Variants in ANKS1B observed in about 807,000 individuals in gnomAD.
The protein encoded by ANKS1B is ankyrin repeat and sterile alpha motif domain-containing protein 1B.
A neutral mutation model predicts 148.3 loss-of-function variants in ANKS1B; 36 were observed. The observed-to-expected ratio is 0.24, with a 90% CI of 0.19 to 0.32. The LOEUF (loss-of-function observed/expected upper bound fraction) is 0.32, where lower values mean the gene tolerates loss of function less well. Among genes scored for constraint, ANKS1B ranks in the 10% least tolerant of loss-of-function variants. The pLI is 1.00. For missense variants in ANKS1B, 1,157 were observed against 1,542.6 expected, an observed-to-expected ratio of 0.75 and a Z score of 4.19; for synonymous variants, 542 against 560.8, an observed-to-expected ratio of 0.97 and a Z score of 0.47.
intron 1 of ANKS1B, among the ~76,000 whole-genome samples, chr12:99,840,218 G>A (rs2085495796): frequency 6.6e-6 from 1 of 152,146 alleles, no homozygotes; most frequent in South Asian, 2.1e-4. Context: ...GGATAATAGG[G>A]CAACTTTGGA....
intron 24 of ANKS1B, among the ~76,000 whole-genome samples, chr12:98,776,015 G>A (rs1393125047): frequency 6.6e-6 from 1 of 152,238 alleles, no homozygotes; most frequent in Non-Finnish European, 1.5e-5. Context: ...ATAGCCTGCG[G>A]AGGCAGGTAT....
intron 15 of ANKS1B, among the ~76,000 whole-genome samples, chr12:99,097,938 A>C (rs2056743455): frequency 6.6e-6 from 1 of 152,212 alleles, no homozygotes; most frequent in African/African-American, 2.4e-5. Context: ...CATTTTCTTC[A>C]GATAAGTGTT....
chr12:98,795,503 C>T, intron 22 of ANKS1B: 1 of 370,824 alleles, frequency 2.7e-6, no homozygotes, highest in Non-Finnish European at 5.2e-6. Context: ...CCTGGTAGAA[C>T]AAACTTTATT....
At chr12:99,339,060 G>T (rs1352123712) in intron 12 of ANKS1B, among the ~76,000 whole-genome samples, 1 of 152,146 alleles carries the variant, frequency 6.6e-6, no homozygotes, top group Non-Finnish European at 1.5e-5. Context: ...TACACCCCAA[G>T]TCCAATGGCT....
At chr12:98,740,367 A>G (rs1020978470), downstream of ANKS1B, among the ~76,000 whole-genome samples, 1 of 152,158 alleles carries the variant, frequency 6.6e-6, no homozygotes, top group Non-Finnish European at 1.5e-5. Context: ...AGCACAGCCC[A>G]TGATGCTGCG....
At chr12:98,786,621 T>C (rs1464924629) in intron 22 of ANKS1B, among the ~76,000 whole-genome samples, 1 of 152,238 alleles carries the variant, frequency 6.6e-6, no homozygotes, top group Non-Finnish European at 1.5e-5. Flanking sequence ...AGTATGGAGA[T>C]ACCCTTTCCA....
At chr12:99,776,201 C>T (rs2063630803) in intron 6 of ANKS1B, among the ~76,000 whole-genome samples, 1 of 152,046 alleles carries the variant, frequency 6.6e-6, no homozygotes, top group Admixed American at 6.5e-5. Context: ...ATGTTCATTG[C>T]CATTATTCTT....
intron 9 of ANKS1B, among the ~76,000 whole-genome samples, chr12:99,611,612 G>A (rs2153345841): frequency 6.6e-6 from 1 of 152,200 alleles, no homozygotes; most frequent in South Asian, 2.1e-4. Flanking sequence ...CTGAGACTAG[G>A]TTTAAGACAT....
intron 17 of ANKS1B, among the ~76,000 whole-genome samples, chr12:99,005,228 C>T (rs2099935441): frequency 6.6e-6 from 1 of 152,208 alleles, no homozygotes; most frequent in Non-Finnish European, 1.5e-5. Context: ...CTGTGATGGG[C>T]TCCATTCCAC....
At chr12:99,120,642 G>T (rs1471511723) in intron 15 of ANKS1B, among the ~76,000 whole-genome samples, 1 of 152,204 alleles carries the variant, frequency 6.6e-6, no homozygotes, top group East Asian at 1.9e-4. Flanking sequence ...AAAGCTGGGT[G>T]TGAAAATGCC....
chr12:99,937,182 G>T (rs1249041044), intron 1 of ANKS1B, among the ~76,000 whole-genome samples: 1 of 152,176 alleles, frequency 6.6e-6, no homozygotes, highest in Admixed American at 6.5e-5. Context: ...GTGCTTCTGA[G>T]TGTTGATGGT....
At position 99,157,030 on chromosome 12, in the gene ANKS1B, C is replaced by A. The variant is rs886846357; in HGVS notation, c.2420-2635G>T. ...TGTCTGTCTTTTAGCTCATCATCCT[C>A]ATCCACTTTTTGAATAAGCAGCCCT... On this transcript the variant is annotated intron_variant, in intron 14 of 26. Coordinates refer to ENST00000683438, the MANE Select transcript of ANKS1B (RefSeq NM_001352186.2). Among the ~76,000 whole-genome samples, 4 of 152,310 alleles carry A rather than the reference C, an allele frequency of 2.6e-5. No homozygotes were observed. In the East Asian group the frequency reaches 7.7e-4, roughly 29 times the overall value.
intron 9 of ANKS1B, among the ~76,000 whole-genome samples, chr12:99,569,674 C>T (rs530255434): frequency 2.4e-4 from 37 of 152,272 alleles, no homozygotes; most frequent in African/African-American, 8.7e-4. Context: ...CTACAGGGAT[C>T]GCCTTAGTTG....
At position 98,786,220 on chromosome 12, in the gene ANKS1B, A is replaced by G. The variant is rs139126120; in HGVS notation, c.3343-4083T>C. The stretch of plus-strand genomic sequence containing the variant: ...TACTTTTATTTTTCCAAGAGAAATG[A>G]TATTTAGTTATATAGAGATGTTACG... On this transcript the variant is annotated intron_variant, in intron 22 of 26. Coordinates refer to ENST00000683438, the MANE Select transcript of ANKS1B (RefSeq NM_001352186.2). Among the ~76,000 whole-genome samples, 71 of 152,358 alleles carry G rather than the reference A, an allele frequency of 4.7e-4. 1 individual carries two copies. The highest frequency in any genetic ancestry group is 1.5e-3 in the African/African-American group (61 of 41,586).
At chr12:99,283,364 G>C (rs545750621) in intron 12 of ANKS1B, among the ~76,000 whole-genome samples, 2 of 152,274 alleles carry the variant, frequency 1.3e-5, no homozygotes, top group Non-Finnish European at 2.9e-5. Flanking sequence ...ATGGAAGTAA[G>C]AGCCTCATTA....
At chr12:99,036,122 G>A (rs2099955415) in intron 17 of ANKS1B, among the ~76,000 whole-genome samples, 1 of 152,108 alleles carries the variant, frequency 6.6e-6, no homozygotes, top group African/African-American at 2.4e-5. Context: ...CAGTGATTTT[G>A]AGGCAGGAGA....
At chr12:99,068,066 G>A (rs938507454) in intron 16 of ANKS1B, among the ~76,000 whole-genome samples, 1 of 151,876 alleles carries the variant, frequency 6.6e-6, no homozygotes, top group African/African-American at 2.4e-5. Flanking sequence ...GCACTATAGT[G>A]CATCATATGT....
intron 15 of ANKS1B, among the ~76,000 whole-genome samples, chr12:99,114,019 G>A (rs1019744076): frequency 6.6e-6 from 1 of 152,164 alleles, no homozygotes; most frequent in East Asian, 1.9e-4. Flanking sequence ...AGTTAGTGGA[G>A]TAATAACAGC....
At chr12:99,291,051 G>A (rs1429628930) in intron 12 of ANKS1B, among the ~76,000 whole-genome samples, 1 of 151,864 alleles carries the variant, frequency 6.6e-6, no homozygotes, top group East Asian at 1.9e-4. Context: ...AAAGTGGCAA[G>A]ATACAAAACC....
Sources: gnomAD v4.1 joint callset for allele counts (sites outside exome capture counted in the v4.1 genomes callset) on GRCh38, gnomAD v4.1.1 for gene constraint, MANE v1.5 for transcripts, NCBI Gene and HGNC (gene_info 2026-07-23, HGNC 2026-07-21) for gene names.